AOPEP: variants seen among roughly 807,000 people sequenced by gnomAD.
The protein encoded by AOPEP is aminopeptidase O.
Under a neutral mutation model 98.1 loss-of-function variants are expected in AOPEP, and 77 were observed. The ratio of observed to expected loss-of-function variants is 0.78; its 90% CI spans 0.65 to 0.95. The LOEUF is 0.95. AOPEP is among the 40% of genes least tolerant of loss of function. The pLI is 0.00. For missense variants in AOPEP, 1,024 were observed against 1,024.7 expected, an observed-to-expected ratio of 1.00 and a Z score of 0.01; for synonymous variants, 346 against 365.3, an observed-to-expected ratio of 0.95 and a Z score of 0.60.
chr9:94,794,281 C>T (rs925756866), intron 4 of AOPEP, among the ~76,000 whole-genome samples: 3 of 152,206 alleles, frequency 2.0e-5, no homozygotes, highest in African/African-American at 7.2e-5. Flanking sequence ...TCATGCTGCA[C>T]TCCCAGGATT....
At chr9:95,113,717 G>A in the AOPEP span, 3 of 152,010 alleles carry the variant, frequency 2.0e-5, no homozygotes, top group Admixed American at 1.3e-4. Flanking sequence ...CCACCTCCTG[G>A]GTTCATGCCA....
intron 13 of AOPEP, among the ~76,000 whole-genome samples, chr9:95,028,728 C>A (rs992968779): frequency 5.3e-5 from 8 of 152,114 alleles, no homozygotes; most frequent in Admixed American, 2.0e-4. Context: ...TCCAGGCAGC[C>A]CATTGCTTCA....
intron 16 of AOPEP, chr9:95,085,931 C>T: frequency 7.7e-7 from 1 of 1,290,596 alleles, no homozygotes; most frequent in Non-Finnish European, 1.0e-6. Context: ...TATTTGCAGT[C>T]CAGGCCTTCG....
In AOPEP at chr9:94,743,223, AGAAGAAGAGGAAGAAGAAGAG is replaced by A. The variant is rs1564052084; in HGVS notation, c.-135-16405_-135-16385del. Among the ~76,000 whole-genome samples, 54 of 64,710 alleles carry A rather than the reference AGAAGAAGAGGAAGAAGAAGAG, an allele frequency of 8.3e-4. No homozygotes were observed. The South Asian group carries it at 0.025, about 30-fold the overall frequency. The allele number at this position is 64,710 out of a possible 152,430, so 42.5% of individuals were successfully genotyped here. A position where few individuals can be genotyped will look rare whatever the true frequency, so the allele number is the denominator to read the frequency against. ...AAGAGGAAGAAGAGGAAGAAGAGGA[AGAAGAAGAGGAAGAAGAAGAG>A]GAAGAAGAGGAAGAAGAAGAAGAAG... On this transcript the variant is annotated intron_variant, in intron 1 of 16. Transcript: ENST00000375315.
chr9:95,055,449 T>C (rs1386788720), intron 13 of AOPEP, among the ~76,000 whole-genome samples: 2 of 152,224 alleles, frequency 1.3e-5, no homozygotes, highest in African/African-American at 4.8e-5. Context: ...ATGTGAAAAT[T>C]TATGCAGCGT....
intron 13 of AOPEP, among the ~76,000 whole-genome samples, chr9:95,041,898 T>C (rs187925714): frequency 2.0e-5 from 3 of 152,170 alleles, no homozygotes; most frequent in African/African-American, 7.2e-5. Context: ...CTCTTCAACC[T>C]TCAGAACTGA....
intron 5 of AOPEP, among the ~76,000 whole-genome samples, chr9:94,809,114 C>T (rs545989052): frequency 6.6e-6 from 1 of 152,264 alleles, no homozygotes; most frequent in South Asian, 2.1e-4. Context: ...GAAGTATAGA[C>T]CTTTAGCCTA....
chr9:94,988,624 C>T (rs1401179818), intron 11 of AOPEP, among the ~76,000 whole-genome samples: 1 of 152,152 alleles, frequency 6.6e-6, no homozygotes, highest in African/African-American at 2.4e-5. Context: ...TTAAAAAATG[C>T]AGCTAATGGA....
chr9:95,057,001 G>GA (rs1387779059), intron 13 of AOPEP, among the ~76,000 whole-genome samples: 1 of 152,258 alleles, frequency 6.6e-6, no homozygotes, highest in Admixed American at 6.5e-5. Context: ...TCTCTGTATG[G>GA]AAAAAATAAC....
intron 5 of AOPEP, among the ~76,000 whole-genome samples, chr9:94,901,953 A>G (rs2050467397): frequency 6.6e-6 from 1 of 152,156 alleles, no homozygotes; most frequent in South Asian, 2.1e-4. Flanking sequence ...AAATACCTTA[A>G]TGTGCATATG....
intron 2 of AOPEP, among the ~76,000 whole-genome samples, chr9:94,768,460 T>C (rs1310519527): frequency 6.6e-6 from 1 of 152,254 alleles, no homozygotes; most frequent in East Asian, 1.9e-4. Flanking sequence ...TTTGGTTGCG[T>C]AGCTCCTCCT....
At chr9:94,995,187 C>T (rs2061145235) in intron 11 of AOPEP, among the ~76,000 whole-genome samples, 1 of 152,140 alleles carries the variant, frequency 6.6e-6, no homozygotes, top group Non-Finnish European at 1.5e-5. Flanking sequence ...GGCATTGAGC[C>T]TGTGTGCTTG....
At chr9:94,832,440 C>T (rs552779670) in intron 5 of AOPEP, among the ~76,000 whole-genome samples, 138 of 152,270 alleles carry the variant, frequency 9.1e-4, no homozygotes, top group Non-Finnish European at 1.5e-3. Flanking sequence ...GCAGGGGAAG[C>T]GTCAATGCAG....
At chr9:95,131,872 GT>G in the AOPEP span, among the ~76,000 whole-genome samples, 2 of 152,086 alleles carry the variant, frequency 1.3e-5, no homozygotes, top group African/African-American at 4.8e-5. Context: ...TCTTTCTGAA[GT>G]GCTACAATTG....
At chr9:94,913,289 T>C (rs1460994565) in intron 5 of AOPEP, among the ~76,000 whole-genome samples, 2 of 115,602 alleles carry the variant, frequency 1.7e-5, no homozygotes, top group Admixed American at 1.6e-4. Context: ...CAGGAGACTT[T>C]GGAGAGACTT....
At chr9:94,801,098 A>G in intron 5 of AOPEP, 96 bp downstream of exon 5, 1 of 1,405,738 alleles carries the variant, frequency 7.1e-7, no homozygotes, top group Admixed American at 1.7e-5. Flanking sequence ...CAGTCATTTG[A>G]TTAGAATGGA....
In AOPEP at chr9:94,930,179, T is replaced by C. The variant is rs1456712374; in HGVS notation, c.1661+1648T>C. 6.6e-6 allele frequency among the ~76,000 whole-genome samples: 1 copy of C among 152,098 alleles called. No homozygotes were observed. The highest frequency in any genetic ancestry group is 1.5e-5 in the Non-Finnish European group (1 of 68,018). On this transcript the variant is annotated intron_variant, in intron 7 of 16. Coordinates refer to ENST00000375315, the MANE Select transcript of AOPEP (RefSeq NM_001193329.3). This position sits in a 1 kb window ranked among gnomAD's most constrained non-coding sequence, Gnocchi z 4.5. ...GTAGTCCATGCAAGAGGCCCTGGAG[T>C]GCCTGTGACAGATGCAAGACGCAGA...
At chr9:95,101,834 T>TC in the AOPEP span, 1 of 1,614,014 alleles carries the variant, frequency 6.2e-7, no homozygotes, top group Non-Finnish European at 8.5e-7. Context: ...GTGAGTTATC[T>TC]CAGCAGTGTG....
intron 3 of AOPEP, among the ~76,000 whole-genome samples, chr9:94,782,431 G>A (rs760516036): frequency 2.0e-5 from 3 of 152,094 alleles, no homozygotes; most frequent in Non-Finnish European, 4.4e-5. Flanking sequence ...CTACTCTCTG[G>A]CCTGCCCAAT....
Sources: gnomAD v4.1 joint callset for allele counts (sites outside exome capture counted in the v4.1 genomes callset) on GRCh38, gnomAD v4.1.1 for gene constraint, Gnocchi (gnomAD v3.1) non-coding constraint, MANE v1.5 for transcripts, NCBI Gene and HGNC (gene_info 2026-07-23, HGNC 2026-07-21) for gene names.